The following PCDH11X variants were observed in gnomAD, a reference collection of about 807,000 sequenced individuals.
PCDH11X encodes the protein protocadherin-11 X-linked.
In PCDH11X, 18 loss-of-function variants were observed where a neutral mutation model predicts 53.3. The observed-to-expected ratio is 0.34, with a 90% confidence interval of 0.23 to 0.50. The LOEUF (loss-of-function observed/expected upper bound fraction) is 0.50, where lower values mean the gene tolerates loss of function less well. Among genes scored for constraint, PCDH11X ranks in the 20% least tolerant of loss-of-function variants. The pLI is 0.98. For missense variants in PCDH11X, 570 were observed against 1,032.4 expected, an observed-to-expected ratio of 0.55 and a Z score of 6.14; for synonymous variants, 279 against 393.3, an observed-to-expected ratio of 0.71 and a Z score of 3.44.
chrX:92,464,952 A>G (rs1252164772), intron 9 of PCDH11X, among the ~76,000 whole-genome samples: 1 of 111,348 alleles, frequency 9.0e-6, no homozygotes, highest in East Asian at 2.8e-4. Flanking sequence ...GTGGCTTTGC[A>G]TAAGAAAATG....
chrX:92,053,550 G>A (rs1035653156), intron 6 of PCDH11X, among the ~76,000 whole-genome samples: 14 of 102,817 alleles, frequency 1.4e-4, no homozygotes, highest in African/African-American at 1.8e-4. Flanking sequence ...AAAGAGCAGC[G>A]GAAGAACCGA....
chrX:91,877,814 T>G lies in PCDH11X; in HGVS notation c.1574T>G (p.Val525Gly). ...TGTCGTACAGGCATGCTGACTGTAG[T>G]GAAGAAACTAGATAGAGAAAAAGAG... ...LDCRTGMLTV[V>G]KKLDREKEDK... The change falls in exon 6 of 11, where the codon GTG becomes GGG. Residue 525 changes from valine to glycine, a missense_variant. Physicochemically the swap from Val to Gly is moderately radical, Grantham distance 109. This residue lies in a region of PCDH11X where 226 missense variants were observed against 457.5 expected (regional missense o/e 0.49). Coordinates refer to ENST00000682573, the MANE Select transcript of PCDH11X (RefSeq NM_032968.5). The G allele has an allele frequency of 8.3e-7, 1 of 1,211,411 alleles. No homozygotes were observed. Among genetic ancestry groups the G allele is most frequent in the Non-Finnish European group, 1.1e-6 (1 of 895,371 alleles).
At chrX:92,012,579 G>C (rs1435141469) in intron 6 of PCDH11X, among the ~76,000 whole-genome samples, 2 of 111,727 alleles carry the variant, frequency 1.8e-5, no homozygotes, top group Admixed American at 1.9e-4. Context: ...TATTTGAACA[G>C]ATCTAAGTAC....
intron 7 of PCDH11X, among the ~76,000 whole-genome samples, chrX:92,204,523 T>C (rs2066443422): frequency 8.9e-6 from 1 of 112,118 alleles, no homozygotes; most frequent in South Asian, 3.7e-4. Flanking sequence ...CCTCAGCCTG[T>C]ACTTCATTGT....
At chrX:92,580,355 T>C (rs1296688729) in intron 10 of PCDH11X, among the ~76,000 whole-genome samples, 5 of 105,311 alleles carry the variant, frequency 4.7e-5, no homozygotes, top group Non-Finnish European at 9.7e-5. Flanking sequence ...CTAAGTCTGC[T>C]GATCCATGGA....
At chrX:92,148,035 TC>T (rs1248821870) in intron 6 of PCDH11X, among the ~76,000 whole-genome samples, 10 of 80,656 alleles carry the variant, frequency 1.2e-4, no homozygotes, top group African/African-American at 4.0e-4. Flanking sequence ...TTCCTTTCCT[TC>T]TTTCCCTTCC....
chrX:92,139,142 T>G (rs1172749331), intron 6 of PCDH11X, among the ~76,000 whole-genome samples: 1 of 109,028 alleles, frequency 9.2e-6, no homozygotes. Flanking sequence ...TTCATGAAAT[T>G]CAGTTCATTT....
At chrX:92,062,798 A>G (rs1352405861) in intron 6 of PCDH11X, among the ~76,000 whole-genome samples, 3 of 111,575 alleles carry the variant, frequency 2.7e-5, no homozygotes, top group Non-Finnish European at 5.6e-5. Context: ...CGATTCCTCA[A>G]GGATCTAGAG....
chrX:92,523,712 A>G (rs2074403032), intron 10 of PCDH11X, among the ~76,000 whole-genome samples: 1 of 111,589 alleles, frequency 9.0e-6, no homozygotes, highest in Non-Finnish European at 1.9e-5. Context: ...TCTTTTAAAG[A>G]CTTCCAGAGA....
chrX:92,160,794 G>GT (rs1569398003), intron 6 of PCDH11X, among the ~76,000 whole-genome samples: 2 of 110,375 alleles, frequency 1.8e-5, no homozygotes, highest in Non-Finnish European at 3.8e-5. Flanking sequence ...TCCACCAGCA[G>GT]TATAGAAGTG....
intron 10 of PCDH11X, among the ~76,000 whole-genome samples, chrX:92,566,161 G>A (rs1463335997): frequency 2.8e-5 from 3 of 108,543 alleles, no homozygotes; most frequent in Non-Finnish European, 3.8e-5. Context: ...CCAAGTAGTC[G>A]GCTCTATGAA....
chrX:92,484,366 T>A (rs750616377), intron 10 of PCDH11X, among the ~76,000 whole-genome samples: 1 of 103,589 alleles, frequency 9.7e-6, no homozygotes, highest in South Asian at 4.2e-4. Flanking sequence ...CTTTAAGACA[T>A]CTCCATACTG....
At chrX:92,105,635 G>C (rs1438198617) in intron 6 of PCDH11X, among the ~76,000 whole-genome samples, 1 of 106,754 alleles carries the variant, frequency 9.4e-6, no homozygotes, top group Non-Finnish European at 1.9e-5. Context: ...GGTAGGAGTG[G>C]GGGTCGCAAG....
At chrX:92,283,819 A>T (rs2068300403) in intron 8 of PCDH11X, among the ~76,000 whole-genome samples, 1 of 111,542 alleles carries the variant, frequency 9.0e-6, no homozygotes. Context: ...ATTAGATTAA[A>T]TTTTTTCTTA....
intron 4 of PCDH11X, among the ~76,000 whole-genome samples, chrX:91,813,874 T>G (rs1234796493): frequency 9.2e-5 from 10 of 108,197 alleles, no homozygotes; most frequent in East Asian, 2.9e-4. Flanking sequence ...CTTTAACAGT[T>G]CCTCTTGAAA....
At chrX:92,212,279 T>G (rs1298106353) in intron 7 of PCDH11X, among the ~76,000 whole-genome samples, 1 of 112,079 alleles carries the variant, frequency 8.9e-6, no homozygotes, top group African/African-American at 3.2e-5. Flanking sequence ...CCCAAAGTGC[T>G]GGGATTACAG....
chrX:92,314,130 A>T (rs2069019487), intron 8 of PCDH11X, among the ~76,000 whole-genome samples: 1 of 112,608 alleles, frequency 8.9e-6, no homozygotes, highest in Non-Finnish European at 1.9e-5. Context: ...TTGTAATAAC[A>T]CTTAGTTTAA....
At chrX:92,471,271 C>A (rs1329762978) in intron 10 of PCDH11X, among the ~76,000 whole-genome samples, 1 of 106,902 alleles carries the variant, frequency 9.4e-6, no homozygotes, top group Non-Finnish European at 1.9e-5. Context: ...CACCCTCCAT[C>A]CTCCAAGAGA....
intron 9 of PCDH11X, among the ~76,000 whole-genome samples, chrX:92,395,143 T>A (rs1277881528): frequency 9.0e-6 from 1 of 111,497 alleles, no homozygotes; most frequent in Admixed American, 9.6e-5. Context: ...GCACTTCTTT[T>A]TTTAATCAAT....
Sources: allele counts gnomAD v4.1 joint callset (sites outside exome capture counted in the v4.1 genomes callset), GRCh38; gene constraint gnomAD v4.1.1; regional missense constraint gnomAD v4.1.1; transcripts MANE v1.5; gene names NCBI Gene and HGNC (gene_info 2026-07-23, HGNC 2026-07-21).